PDZD2: variants seen among roughly 807,000 people sequenced by gnomAD.
The protein encoded by PDZD2 is PDZ domain containing 2.
In PDZD2, 90 loss-of-function variants were observed where a neutral mutation model predicts 220.7. The ratio of observed to expected loss-of-function variants is 0.41; its 90% CI spans 0.34 to 0.49. The LOEUF (loss-of-function observed/expected upper bound fraction) is 0.49. PDZD2 is among the 20% of genes least tolerant of loss of function. The pLI, the probability that PDZD2 is intolerant of heterozygous loss-of-function variation, is 0.28. For synonymous variants in PDZD2, 1,375 were observed against 1,450.5 expected (o/e 0.95, Z 1.18); for missense variants, 3,174 against 3,608.5 (o/e 0.88, Z 3.08).
chr5:31,674,763 G>A (rs1232591312), intron 1 of PDZD2, among the ~76,000 whole-genome samples: 1 of 152,210 alleles, frequency 6.6e-6, no homozygotes, highest in Non-Finnish European at 1.5e-5. Context: ...AACATGAATG[G>A]CTGCTCTTTG....
intron 1 of PDZD2, among the ~76,000 whole-genome samples, chr5:31,698,875 C>G (rs386935): frequency 0.49 from 73,992 of 152,020 alleles, 18,318 homozygotes; most frequent in East Asian, 0.65. Context: ...GTTTGTGACC[C>G]CATCCGTCTT....
intron 2 of PDZD2, among the ~76,000 whole-genome samples, chr5:31,896,072 A>G (rs1321218453): frequency 1.3e-5 from 2 of 152,174 alleles, no homozygotes; most frequent in Admixed American, 6.6e-5. Context: ...TGGGAACAGT[A>G]GGATCCAGAG....
chr5:31,914,306 T>G (rs969370690), intron 2 of PDZD2, among the ~76,000 whole-genome samples: 4 of 151,878 alleles, frequency 2.6e-5, no homozygotes, highest in Non-Finnish European at 5.9e-5. Flanking sequence ...CTGAGGCGGG[T>G]GGATCACGAG....
At chr5:31,797,776 G>C (rs1580776530) in intron 1 of PDZD2, among the ~76,000 whole-genome samples, 1 of 152,308 alleles carries the variant, frequency 6.6e-6, no homozygotes, top group East Asian at 1.9e-4. Flanking sequence ...TGGTTACTGA[G>C]TAATAAGGTC....
intron 2 of PDZD2, among the ~76,000 whole-genome samples, chr5:31,948,258 T>A (rs528125901): frequency 3.1e-4 from 47 of 152,240 alleles, no homozygotes; most frequent in African/African-American, 1.1e-3. Flanking sequence ...AGCTGGGACA[T>A]GTAAGTCAGA....
intron 3 of PDZD2, among the ~76,000 whole-genome samples, chr5:31,987,143 G>T (rs895034942): frequency 6.6e-6 from 1 of 152,228 alleles, no homozygotes; most frequent in South Asian, 2.1e-4. Context: ...TTGCGAGTCT[G>T]CTTATATAGA....
Position 31,668,904 on chromosome 5 carries a change from A to C in PDZD2, c.-361+29467A>C, listed in dbSNP as rs552143644. ...TAAAATAGACAAACCAAGGCAAGGG[A>C]GTAGCATTGACCTCCACTCCCAAGT... On this transcript the variant is annotated intron_variant, in intron 1 of 24. Transcript: ENST00000438447. 3.9e-4 allele frequency among the ~76,000 whole-genome samples: 60 copies of C among 152,294 alleles called. 1 individual carries two copies. Among genetic ancestry groups the C allele is most frequent in the Non-Finnish European group, 5.9e-5 (4 of 68,020 alleles).
chr5:31,650,479 C>T (rs1030819641), intron 1 of PDZD2, among the ~76,000 whole-genome samples: 2 of 151,980 alleles, frequency 1.3e-5, no homozygotes, highest in African/African-American at 2.4e-5. Flanking sequence ...TTCATTTTCC[C>T]GCTCATAAAC....
intron 1 of PDZD2, among the ~76,000 whole-genome samples, chr5:31,712,744 T>G (rs1580604773): frequency 6.6e-6 from 1 of 152,054 alleles, no homozygotes; most frequent in Admixed American, 6.6e-5. Flanking sequence ...AACAGGGAAG[T>G]GACGTGTGCA....
chr5:31,841,144 T>C (rs1164249741), intron 2 of PDZD2, among the ~76,000 whole-genome samples: 2 of 152,222 alleles, frequency 1.3e-5, no homozygotes, highest in Admixed American at 1.3e-4. Flanking sequence ...CATCCCATCA[T>C]CCAGTGGTGG....
At position 32,097,300 on chromosome 5, in the gene PDZD2, A is replaced by C; in HGVS notation, c.7867A>C (p.Ile2623Leu). 6.2e-7 allele frequency: 1 copy of C among 1,611,366 alleles called. No homozygotes were observed. The highest frequency in any genetic ancestry group is 8.5e-7 in the Non-Finnish European group (1 of 1,177,436). Residue 2623 changes from isoleucine (I) to leucine (L), a missense_variant, in exon 22 of 25, where the codon ATA (isoleucine) becomes CTA (leucine). Ile to Leu is a conservative substitution (Grantham distance 5). Transcript: ENST00000438447. ...QSENEEDVCFIVLNRKEGSGL... is the reference protein window; with the variant it reads ...QSENEEDVCFLVLNRKEGSGL... Reference sequence around the variant, plus strand: ...CTAGAATGAAGAAGATGTTTGCTTCATAGTCTTGAATAGAAAAGAAGGCTC... The same window carrying C: ...CTAGAATGAAGAAGATGTTTGCTTCCTAGTCTTGAATAGAAAAGAAGGCTC...
chr5:31,993,917 A>C (rs1751430057), intron 3 of PDZD2, among the ~76,000 whole-genome samples: 1 of 152,198 alleles, frequency 6.6e-6, no homozygotes, highest in Non-Finnish European at 1.5e-5. Context: ...CCTTGGAGTG[A>C]AGTAAGGAGA....
At chr5:32,071,543 A>G in intron 16 of PDZD2, 125 bp downstream of exon 16, 1 of 748,944 alleles carries the variant, frequency 1.3e-6, no homozygotes, top group Non-Finnish European at 2.4e-6. Flanking sequence ...GCCACTTTAT[A>G]CAGGAAATCG....
intron 2 of PDZD2, among the ~76,000 whole-genome samples, chr5:31,917,987 G>T (rs1006628776): frequency 3.3e-5 from 5 of 152,164 alleles, no homozygotes; most frequent in Non-Finnish European, 7.3e-5. Flanking sequence ...GAGCCACCGT[G>T]CCCGGCCAGG....
intron 2 of PDZD2, among the ~76,000 whole-genome samples, chr5:31,925,226 A>G (rs1383165903): frequency 2.0e-5 from 3 of 152,346 alleles, no homozygotes; most frequent in Non-Finnish European, 2.9e-5. Context: ...ACATAAGTCT[A>G]TAATAACTAA....
In PDZD2 at chr5:32,022,152, ACTTGT is replaced by A. The variant is rs1468037294; in HGVS notation, c.1407+11674_1407+11678del. ...CATAATGAATTATGATTATTTCTGTACTTGTCTTCTTCTTTTTTCGTTTTGTTTTT... is the reference window on the plus strand; with the variant it reads ...CATAATGAATTATGATTATTTCTGTACTTCTTCTTTTTTCGTTTTGTTTTT... On this transcript the variant is annotated intron_variant, in intron 6 of 24. Coordinates refer to ENST00000438447, the MANE Select transcript of PDZD2 (RefSeq NM_178140.4). 4.8e-5 allele frequency among the ~76,000 whole-genome samples: 7 copies of A among 147,192 alleles called. No individual in the cohort carries two copies. In the South Asian group the frequency reaches 1.1e-3, roughly 23 times the overall value.
chr5:31,810,456 G>A (rs563990893), intron 2 of PDZD2, among the ~76,000 whole-genome samples: 53 of 152,138 alleles, frequency 3.5e-4, no homozygotes, highest in Non-Finnish European at 5.6e-4. Context: ...TAGTAGAGAC[G>A]GGGTTTCACT....
chr5:31,920,444 A>G (rs1744128349), intron 2 of PDZD2, among the ~76,000 whole-genome samples: 1 of 150,664 alleles, frequency 6.6e-6, no homozygotes, highest in Non-Finnish European at 1.5e-5. Flanking sequence ...ACCTCCATTG[A>G]CATCTTATAA....
At chr5:31,711,025 A>T (rs1748075750) in intron 1 of PDZD2, among the ~76,000 whole-genome samples, 1 of 152,166 alleles carries the variant, frequency 6.6e-6, no homozygotes, top group African/African-American at 2.4e-5. Flanking sequence ...ACGCCTTGTG[A>T]CAGTAACTGT....
Sources: gnomAD v4.1 joint callset for allele counts (sites outside exome capture counted in the v4.1 genomes callset) on GRCh38, gnomAD v4.1.1 for gene constraint, MANE v1.5 for transcripts, NCBI Gene and HGNC (gene_info 2026-07-23, HGNC 2026-07-21) for gene names.